CDC20B: variants seen among roughly 807,000 people sequenced by gnomAD.
The protein encoded by CDC20B is cell division cycle 20B.
A neutral mutation model predicts 64.1 loss-of-function variants in CDC20B; 58 were observed. That is an observed-to-expected ratio of 0.90 (90% CI 0.73 to 1.13). The LOEUF (loss-of-function observed/expected upper bound fraction) is 1.13, where lower values mean the gene tolerates loss of function less well. Among genes scored for constraint, CDC20B ranks in the 50% most tolerant of loss-of-function variants. The pLI is 0.00. For missense variants in CDC20B, 597 were observed against 633.0 expected, an observed-to-expected ratio of 0.94 and a Z score of 0.61; for synonymous variants, 243 against 230.6, an observed-to-expected ratio of 1.05 and a Z score of -0.49.
chr5:55,161,676 C>T (rs1744074054), intron 2 of CDC20B, among the ~76,000 whole-genome samples: 1 of 152,170 alleles, frequency 6.6e-6, no homozygotes, highest in Admixed American at 6.5e-5. Flanking sequence ...TTTATGTTGT[C>T]TTTCTTATCT....
At position 55,146,931 on chromosome 5, in the gene CDC20B, T is replaced by C. The variant is rs903128440; in HGVS notation, c.127-75A>G. 22 of 962,946 alleles carry C rather than the reference T, an allele frequency of 2.3e-5. No homozygotes were observed. In the Admixed American group the frequency reaches 4.6e-4, roughly 20 times the overall value. The allele number at this position is 962,946 out of a possible 1,614,324, so 59.7% of individuals were successfully genotyped here. On this transcript the variant is annotated intron_variant, in intron 2 of 11. Transcript: ENST00000381375. ...AAGTAAAAATTCCCTATAAGAGAAT[T>C]ACAAATGACTCATCTAGTACAACAC...
intron 11 of CDC20B, among the ~76,000 whole-genome samples, chr5:55,116,926 T>C (rs574442232): frequency 6.6e-5 from 10 of 152,182 alleles, no homozygotes; most frequent in Non-Finnish European, 1.0e-4. Flanking sequence ...CTCACATCAG[T>C]GACAATCTTA....
At chr5:55,165,197 G>A (rs1011131673) in intron 2 of CDC20B, 1 of 152,182 alleles carries the variant, frequency 6.6e-6, no homozygotes, top group Non-Finnish European at 1.5e-5. Flanking sequence ...TAAAAAGGGG[G>A]TGATCATACA....
chr5:55,136,788 CCCAAACAATTATTTT>C (rs955799726), intron 5 of CDC20B: 3 of 152,206 alleles, frequency 2.0e-5, no homozygotes, highest in African/African-American at 7.2e-5. Context: ...AATTCTGGCT[CCCAAACAATTATTTT>C]CCAGCCATGA....
chr5:55,114,032 G>C lies in CDC20B; in HGVS notation c.*186C>G. 9.5e-7 allele frequency: 1 copy of C among 1,052,412 alleles called. No homozygotes were observed. Among genetic ancestry groups the C allele is most frequent in the South Asian group, 2.1e-5 (1 of 48,132 alleles). The allele number at this position is 1,052,412 out of a possible 1,614,324, so 65.2% of individuals were successfully genotyped here. A position where few individuals can be genotyped will look rare whatever the true frequency, so the allele number is the denominator to read the frequency against. ...AGAAAGAAGAAAGCAGAGAAGAAAA[G>C]AAGCGGATCTCTGGGAAGCAGAGCA... On this transcript the variant is annotated 3_prime_UTR_variant, in exon 12 of 12. Coordinates refer to ENST00000381375, the MANE Select transcript of CDC20B (RefSeq NM_001170402.1). The surrounding 1 kb of genome is among the most constrained non-coding windows in gnomAD (Gnocchi z 4.1).
intron 2 of CDC20B, among the ~76,000 whole-genome samples, chr5:55,151,628 T>C (rs1406745017): frequency 6.6e-6 from 1 of 152,228 alleles, no homozygotes; most frequent in African/African-American, 2.4e-5. Context: ...ACGTTAACAA[T>C]ATCCTACCGC....
Position 55,120,012 on chromosome 5 carries a change from C to A in CDC20B, c.1342-94G>T, listed in dbSNP as rs551606333. 628 of 890,552 alleles carry A rather than the reference C, an allele frequency of 7.1e-4. 2 individuals are homozygous for A. In the African/African-American group the frequency reaches 9.7e-3, roughly 14 times the overall value. 55.2% of individuals were successfully genotyped at this position (890,552 alleles called of 1,614,324 possible). A position where few individuals can be genotyped will look rare whatever the true frequency, so the allele number is the denominator to read the frequency against. ...TACAGGCAGTATGCACTGTCCATGA[C>A]CCAACCTCCAGTACAGCTGGGGTAG... On this transcript the variant is annotated intron_variant, in intron 10 of 11. Transcript: ENST00000381375.
intron 2 of CDC20B, among the ~76,000 whole-genome samples, chr5:55,149,994 C>T (rs1460313118): frequency 6.6e-6 from 1 of 151,932 alleles, no homozygotes; most frequent in Admixed American, 6.6e-5. Flanking sequence ...ATTAGCCAGC[C>T]GTGGTGGCAT....
intron 2 of CDC20B, among the ~76,000 whole-genome samples, chr5:55,161,858 A>T (rs1744082867): frequency 6.6e-6 from 1 of 152,194 alleles, no homozygotes; most frequent in Non-Finnish European, 1.5e-5. Flanking sequence ...AAAGGTCATG[A>T]GGCATACAGA....
In CDC20B at chr5:55,146,902, G is replaced by A. The variant is rs372418939; in HGVS notation, c.127-46C>T. ...CTGTAAGTCCACTGGCCTCAGTGAT[G>A]CAAAAGTAAAAATTCCCTATAAGAG... On this transcript the variant is annotated intron_variant, in intron 2 of 11. Coordinates refer to ENST00000381375, the MANE Select transcript of CDC20B (RefSeq NM_001170402.1). The A allele has an allele frequency of 3.5e-6, 5 of 1,426,766 alleles. No individual in the cohort carries two copies. The African/African-American group carries it at 4.2e-5, about 12-fold the overall frequency. The allele number at this position is 1,426,766 out of a possible 1,614,324, so 88.4% of individuals were successfully genotyped here.
At chr5:55,115,844 A>G (rs912766590) in intron 11 of CDC20B, among the ~76,000 whole-genome samples, 1 of 151,838 alleles carries the variant, frequency 6.6e-6, no homozygotes, top group Non-Finnish European at 1.5e-5. Flanking sequence ...CACTCCCAAC[A>G]CTCTCCTTTG....
intron 2 of CDC20B, among the ~76,000 whole-genome samples, chr5:55,150,483 C>T (rs559681188): frequency 6.6e-6 from 1 of 152,232 alleles, no homozygotes; most frequent in Non-Finnish European, 1.5e-5. Flanking sequence ...TCTGTGCTCT[C>T]CCCACCAGCT....
At chr5:55,159,171 C>G (rs1743910746) in intron 2 of CDC20B, among the ~76,000 whole-genome samples, 1 of 152,158 alleles carries the variant, frequency 6.6e-6, no homozygotes, top group South Asian at 2.1e-4. Context: ...CATGCACCAC[C>G]ACAACCAGCT....
intron 4 of CDC20B, among the ~76,000 whole-genome samples, chr5:55,142,426 C>T (rs1489541180): frequency 6.6e-6 from 1 of 152,148 alleles, no homozygotes; most frequent in Non-Finnish European, 1.5e-5. Context: ...GATGTTCCAG[C>T]TGGTATAACA....
chr5:55,169,365 A>C (rs557532369), intron 2 of CDC20B, among the ~76,000 whole-genome samples: 1 of 152,236 alleles, frequency 6.6e-6, no homozygotes, highest in Non-Finnish European at 1.5e-5. Context: ...AATATTTCTT[A>C]TATCTCATCT....
At chr5:55,119,353 A>G (rs16883844) in intron 11 of CDC20B, among the ~76,000 whole-genome samples, 6,222 of 152,232 alleles carry the variant, frequency 0.041, 468 homozygotes, top group African/African-American at 0.14. Flanking sequence ...AAGTTTGTAG[A>G]ACGAAGCTGA....
At chr5:55,124,367 G>A (rs1295864787) in intron 9 of CDC20B, among the ~76,000 whole-genome samples, 3 of 152,100 alleles carry the variant, frequency 2.0e-5, no homozygotes, top group Non-Finnish European at 4.4e-5. Flanking sequence ...GCGCCCATCT[G>A]GAAGAATCTG....
At chr5:55,121,124 T>C (rs1445759491) in intron 9 of CDC20B, among the ~76,000 whole-genome samples, 3 of 152,330 alleles carry the variant, frequency 2.0e-5, no homozygotes, top group Admixed American at 1.3e-4. Flanking sequence ...CACATTTATA[T>C]TGATAATTGA....
chr5:55,135,154 G>C (rs1315011454), intron 5 of CDC20B, among the ~76,000 whole-genome samples: 2 of 152,038 alleles, frequency 1.3e-5, no homozygotes, highest in Admixed American at 6.5e-5. Flanking sequence ...AGGGATATAA[G>C]GGAACCTGCA....
Sources: allele counts gnomAD v4.1 joint callset (sites outside exome capture counted in the v4.1 genomes callset), GRCh38; gene constraint gnomAD v4.1.1; non-coding constraint Gnocchi (gnomAD v3.1); transcripts MANE v1.5; gene names NCBI Gene and HGNC (gene_info 2026-07-23, HGNC 2026-07-21).